Variants in GTF2F2 observed in about 807,000 individuals in gnomAD.
GTF2F2 encodes general transcription factor IIF subunit 2.
GTF2F2 carries 23 observed loss-of-function variants against 42.2 expected under a neutral mutation model. The observed-to-expected ratio is 0.55, with a 90% CI of 0.39 to 0.77. The LOEUF is 0.77. Among genes scored for constraint, GTF2F2 ranks in the 30% least tolerant of loss-of-function variants. GTF2F2 has a pLI of 0.00. For synonymous variants in GTF2F2, 105 were observed against 100.8 expected (o/e 1.04, Z -0.25); for missense variants, 261 against 287.2 (o/e 0.91, Z 0.66).
chr13:45,234,714 A>G (rs1342568847), intron 5 of GTF2F2, among the ~76,000 whole-genome samples: 1 of 152,168 alleles, frequency 6.6e-6, no homozygotes, highest in Non-Finnish European at 1.5e-5. Context: ...CCAGAAACCT[A>G]TATATCAGTT....
intron 4 of GTF2F2, chr13:45,193,701 GGC>G: frequency 8.2e-7 from 1 of 1,217,478 alleles, no homozygotes; most frequent in Non-Finnish European, 1.2e-6. Flanking sequence ...GAGCTAGCTG[GGC>G]ATGTTATTTG....
At chr13:45,245,671 A>G (rs1231571846) in intron 5 of GTF2F2, among the ~76,000 whole-genome samples, 1 of 33,396 alleles carries the variant, frequency 3.0e-5, no homozygotes, top group African/African-American at 2.1e-4. Context: ...GTGTGAATAT[A>G]TATATATATA....
At chr13:45,201,296 C>G (rs959424234) in intron 4 of GTF2F2, among the ~76,000 whole-genome samples, 3 of 152,158 alleles carry the variant, frequency 2.0e-5, no homozygotes, top group African/African-American at 7.2e-5. Context: ...AAGCCTTGGG[C>G]AGCTTCTTAA....
chr13:45,149,177 G>A (rs1387933409), intron 2 of GTF2F2, among the ~76,000 whole-genome samples: 1 of 151,894 alleles, frequency 6.6e-6, no homozygotes, highest in Non-Finnish European at 1.5e-5. Context: ...GGGTGTAGTG[G>A]CTCACACCTG....
At chr13:45,224,638 A>T (rs1334827735) in intron 5 of GTF2F2, among the ~76,000 whole-genome samples, 1 of 152,256 alleles carries the variant, frequency 6.6e-6, no homozygotes, top group Non-Finnish European at 1.5e-5. Context: ...CACTTGTACC[A>T]TCTATCTGAA....
intron 4 of GTF2F2, among the ~76,000 whole-genome samples, chr13:45,205,721 T>C (rs1365816014): frequency 6.6e-6 from 1 of 152,140 alleles, no homozygotes; most frequent in African/African-American, 2.4e-5. Context: ...GGTTTCACCA[T>C]GTTGGCCAGC....
intron 4 of GTF2F2, among the ~76,000 whole-genome samples, chr13:45,181,758 A>T (rs1872177362): frequency 6.6e-6 from 1 of 152,126 alleles, no homozygotes; most frequent in Non-Finnish European, 1.5e-5. Flanking sequence ...AAAATGTCTC[A>T]TCCAAAAGCA....
intron 2 of GTF2F2, among the ~76,000 whole-genome samples, chr13:45,137,569 T>A (rs576139858): frequency 6.6e-6 from 1 of 152,358 alleles, no homozygotes; most frequent in African/African-American, 2.4e-5. Context: ...CTGGCAAGGA[T>A]GTCCTCACTT....
intron 5 of GTF2F2, among the ~76,000 whole-genome samples, chr13:45,227,151 T>C (rs533078896): frequency 6.6e-5 from 10 of 152,320 alleles, no homozygotes; most frequent in Admixed American, 3.3e-4. Flanking sequence ...TTTTTGTATA[T>C]TTGTATTATT....
intron 4 of GTF2F2, among the ~76,000 whole-genome samples, chr13:45,205,437 A>G (rs906071796): frequency 1.3e-5 from 2 of 152,372 alleles, no homozygotes; most frequent in East Asian, 3.9e-4. Context: ...GAGCCAGACC[A>G]TATCAGTAGC....
At chr13:45,244,227 G>A (rs1337618690) in intron 5 of GTF2F2, among the ~76,000 whole-genome samples, 1 of 152,154 alleles carries the variant, frequency 6.6e-6, no homozygotes, top group Non-Finnish European at 1.5e-5. Context: ...TTTGAACTAA[G>A]TTCGTGAAGT....
rs554802847 is a variant in GTF2F2, at chr13:45,191,418, ATTTAC to A, written c.305-16003_305-15999del. Among the ~76,000 whole-genome samples the A allele has an allele frequency of 8.6e-5, 13 of 151,218 alleles. 1 individual carries two copies. Among genetic ancestry groups the A allele is most frequent in the Admixed American group, 4.0e-4 (6 of 15,144 alleles). On this transcript the variant is annotated intron_variant, in intron 4 of 7. Transcript: ENST00000340473. Reference sequence around the variant, plus strand: ...TTTGTGATTTGTTTTTTGGAACAGTATTTACTTATGAGAAAAAATTTGAGAAATAA... The same window carrying A: ...TTTGTGATTTGTTTTTTGGAACAGTATTATGAGAAAAAATTTGAGAAATAA...
intron 4 of GTF2F2, among the ~76,000 whole-genome samples, chr13:45,169,151 G>A (rs1011073268): frequency 1.3e-5 from 2 of 151,800 alleles, no homozygotes; most frequent in East Asian, 1.9e-4. Flanking sequence ...CACTGTGCCC[G>A]CCCCTGCTCC....
At chr13:45,130,872 G>C (rs920130906) in intron 1 of GTF2F2, among the ~76,000 whole-genome samples, 3 of 152,162 alleles carry the variant, frequency 2.0e-5, no homozygotes, top group Non-Finnish European at 2.9e-5. Flanking sequence ...GAGACTTCAG[G>C]GGAGAACCTG....
chr13:45,252,699 G>A (rs978813098), intron 5 of GTF2F2, among the ~76,000 whole-genome samples, 172 bp from the exon 6 acceptor site: 2 of 152,062 alleles, frequency 1.3e-5, no homozygotes, highest in African/African-American at 4.8e-5. Context: ...ACTGGTTTCT[G>A]CATTATAGTC....
intron 5 of GTF2F2, among the ~76,000 whole-genome samples, chr13:45,212,842 A>G (rs186662176): frequency 1.4e-3 from 205 of 149,028 alleles, no homozygotes; most frequent in Non-Finnish European, 2.4e-3. Context: ...CCCACCTCCA[A>G]GCGATTCTCC....
chr13:45,207,311 T>G (rs921627110), intron 4 of GTF2F2, 113 bp from the exon 5 acceptor site: 12 of 652,898 alleles, frequency 1.8e-5, no homozygotes, highest in African/African-American at 1.8e-4. Flanking sequence ...TATTTTTTCT[T>G]GATTTTTGAT....
intron 4 of GTF2F2, among the ~76,000 whole-genome samples, chr13:45,176,692 A>G (rs1439403199): frequency 6.6e-6 from 1 of 152,156 alleles, no homozygotes; most frequent in Non-Finnish European, 1.5e-5. Flanking sequence ...TTGAGATCAT[A>G]AAGTTATTTT....
chr13:45,201,646 A>C (rs1290753216), intron 4 of GTF2F2, among the ~76,000 whole-genome samples: 3 of 152,144 alleles, frequency 2.0e-5, no homozygotes, highest in African/African-American at 7.2e-5. Context: ...TTCTGATTTT[A>C]GGTGGTGGGA....
Sources: allele counts gnomAD v4.1 joint callset (sites outside exome capture counted in the v4.1 genomes callset), GRCh38; gene constraint gnomAD v4.1.1; transcripts MANE v1.5; gene names NCBI Gene and HGNC (gene_info 2026-07-23, HGNC 2026-07-21).